The following ANKRD39 variants were observed in gnomAD, a reference collection of about 807,000 sequenced individuals.
The protein encoded by ANKRD39 is ankyrin repeat domain 39, also known as ankyrin repeat domain-containing protein 39.
In ANKRD39, 18 loss-of-function variants were observed where a neutral mutation model predicts 20.3. That is an observed-to-expected ratio of 0.89 (90% CI 0.61 to 1.32). The LOEUF (loss-of-function observed/expected upper bound fraction) is 1.32. Ranked by LOEUF, ANKRD39 falls within the 40% of genes most tolerant of loss-of-function variation. ANKRD39 has a pLI of 0.00. For synonymous variants in ANKRD39, 106 were observed against 111.9 expected (o/e 0.95, Z 0.33); for missense variants, 243 against 250.7 (o/e 0.97, Z 0.21).
chr2:96,853,063 G>A (rs1188678967), intron 3 of ANKRD39, among the ~76,000 whole-genome samples: 3 of 152,164 alleles, frequency 2.0e-5, no homozygotes, highest in Admixed American at 2.0e-4. Flanking sequence ...GCTAGAAAGA[G>A]TTTAATTAAA....
chr2:96,850,628 G>A (rs1370397258), intron 3 of ANKRD39, among the ~76,000 whole-genome samples: 1 of 151,444 alleles, frequency 6.6e-6, no homozygotes, highest in Non-Finnish European at 1.5e-5. Flanking sequence ...TTGTGCCACT[G>A]CACTCCAGCC....
chr2:96,848,998 A>G (rs765358366), intron 3 of ANKRD39, among the ~76,000 whole-genome samples: 39 of 152,180 alleles, frequency 2.6e-4, no homozygotes, highest in Non-Finnish European at 1.6e-4. Flanking sequence ...AGACCTACAC[A>G]TTAAAAACAA....
chr2:96,856,012 A>AC, intron 1 of ANKRD39, among the ~76,000 whole-genome samples: 1 of 118,764 alleles, frequency 8.4e-6, no homozygotes, highest in Non-Finnish European at 2.1e-5. Flanking sequence ...CAACAACAAC[A>AC]AAGAGTTACT....
rs1209274786 is a variant in ANKRD39, at chr2:96,857,974, C to G, written c.14G>C (p.Arg5Pro). ...GCAGCAGGGCCCGTCCGCGCAGGGCCGAGGCGTCGCCATCCCGGCCCCGGC... is the reference window on the plus strand; with the variant it reads ...GCAGCAGGGCCCGTCCGCGCAGGGCGGAGGCGTCGCCATCCCGGCCCCGGC... Reference protein sequence around the residue: MATPRPCADGPCCSH... With the variant: MATPPPCADGPCCSH... Residue 5 changes from arginine (R) to proline (P), a missense_variant, in exon 1 of 4, where the codon CGG becomes CCG. Coordinates refer to ENST00000393537, the MANE Select transcript of ANKRD39 (RefSeq NM_016466.6). 24 of 1,541,984 alleles carry G rather than the reference C, an allele frequency of 1.6e-5. No individual in the cohort carries two copies. The highest frequency in any genetic ancestry group is 1.7e-5 in the Non-Finnish European group (20 of 1,151,736).
chr2:96,856,005 CAACAACA>C (rs1168855351), intron 1 of ANKRD39, among the ~76,000 whole-genome samples: 17 of 147,542 alleles, frequency 1.2e-4, no homozygotes, highest in Admixed American at 8.6e-4. Flanking sequence ...ACAACAACAA[CAACAACA>C]AAGAGTTACT....
In ANKRD39 at chr2:96,848,201, G is replaced by A. The variant is rs2079819152; in HGVS notation, c.*100C>T. On this transcript the variant is annotated 3_prime_UTR_variant, in exon 4 of 4. Coordinates refer to ENST00000393537, the MANE Select transcript of ANKRD39 (RefSeq NM_016466.6). ...ACTGGGGCTCTTCCTGGGTGGTCTG[G>A]CCTCAGTTCCCTGCCCAGCAGCATG... is the stretch of plus-strand genomic sequence containing the variant. The A allele has an allele frequency of 1.3e-6, 2 of 1,530,864 alleles. No individual in the cohort carries two copies. The highest frequency in any genetic ancestry group is 2.7e-5 in the African/African-American group (2 of 73,500). The allele number at this position is 1,530,864 out of a possible 1,614,324, so 94.8% of individuals were successfully genotyped here.
In ANKRD39 at chr2:96,848,343, C is replaced by G; in HGVS notation, c.510G>C (p.Leu170=). The change falls in exon 4 of 4, where the codon CTG becomes CTC. Residue 170 remains leucine (L), a synonymous_variant. Transcript: ENST00000393537. ...CCCGCAGGTCACTGTTGCAAGGCAG[C>G]AGGTCACATGCTAGCCGTGCCTTTC... ...RDRKARLACD[L]LPCNSDLRDL... 2 of 1,614,180 alleles carry G rather than the reference C, an allele frequency of 1.2e-6. No homozygotes were observed. Among genetic ancestry groups the G allele is most frequent in the Non-Finnish European group, 1.7e-6 (2 of 1,180,030 alleles).
intron 1 of ANKRD39, among the ~76,000 whole-genome samples, chr2:96,856,011 CA>C (rs55950364): frequency 0.12 from 18,677 of 152,066 alleles, 2,059 homozygotes; most frequent in Non-Finnish European, 0.17. Flanking sequence ...ACAACAACAA[CA>C]AAGAGTTACT....
At chr2:96,851,762 G>A (rs558658711) in intron 3 of ANKRD39, among the ~76,000 whole-genome samples, 10 of 152,258 alleles carry the variant, frequency 6.6e-5, no homozygotes, top group African/African-American at 2.2e-4. Flanking sequence ...AAAGGCTCTC[G>A]TGGGGTGTGA....
rs1457665741 is a variant in ANKRD39, at chr2:96,853,624, A to G, written c.205-20T>C. The G allele has an allele frequency of 3.1e-6, 5 of 1,609,252 alleles. No individual in the cohort carries two copies. Among genetic ancestry groups the G allele is most frequent in the Non-Finnish European group, 3.4e-6 (4 of 1,178,378 alleles). ...ATAGTGCTGCAGGGAACAGAGACCG[A>G]GGTCAGATGGGAGAAGCCAGGCAGG... On this transcript the variant is annotated intron_variant, in intron 2 of 3. Coordinates refer to ENST00000393537, the MANE Select transcript of ANKRD39 (RefSeq NM_016466.6).
chr2:96,848,227 G>C lies in ANKRD39; in HGVS notation c.*74C>G. Reference sequence around the variant, plus strand: ...CCTCAGTTCCCTGCCCAGCAGCATGGATGCTGACCAAGGCAGGGGCTTGGA... The same window carrying C: ...CCTCAGTTCCCTGCCCAGCAGCATGCATGCTGACCAAGGCAGGGGCTTGGA... On this transcript the variant is annotated 3_prime_UTR_variant, in exon 4 of 4. Transcript: ENST00000393537. 6.3e-7 allele frequency: 1 copy of C among 1,578,630 alleles called. No homozygotes were observed. The highest frequency in any genetic ancestry group is 8.6e-7 in the Non-Finnish European group (1 of 1,157,032).
At chr2:96,857,625 C>A (rs2079871708) in intron 1 of ANKRD39, among the ~76,000 whole-genome samples, 1 of 152,280 alleles carries the variant, frequency 6.6e-6, no homozygotes. Context: ...GAGGTCGTCC[C>A]CCGCTACTCG....
chr2:96,853,716 T>C, intron 2 of ANKRD39, 112 bp from the exon 3 acceptor site: 1 of 1,061,426 alleles, frequency 9.4e-7, no homozygotes, highest in South Asian at 1.5e-5. Flanking sequence ...TCATCTCAGG[T>C]GCCAACCCCA....
chr2:96,857,964 C>A lies in ANKRD39; in HGVS notation c.24G>T (p.Ala8=). MATPRPC[A]DGPCCSHPSA... ...TGGGATGCGAGCAGCAGGGCCCGTC[C>A]GCGCAGGGCCGAGGCGTCGCCATCC... The change falls in exon 1 of 4, where the codon GCG becomes GCT. Residue 8 remains alanine, a synonymous_variant. Coordinates refer to ENST00000393537, the MANE Select transcript of ANKRD39 (RefSeq NM_016466.6). The A allele has an allele frequency of 1.9e-6, 3 of 1,556,832 alleles. No homozygotes were observed. Among genetic ancestry groups the A allele is most frequent in the East Asian group, 2.4e-5 (1 of 42,190 alleles).
At chr2:96,854,949 G>C (rs2079855646) in intron 1 of ANKRD39, among the ~76,000 whole-genome samples, 1 of 152,182 alleles carries the variant, frequency 6.6e-6, no homozygotes, top group Admixed American at 6.5e-5. Flanking sequence ...AAAATATAAT[G>C]ATGCCTCCAG....
At chr2:96,854,523 G>T in intron 1 of ANKRD39, 82 bp from the exon 2 acceptor site, 3 of 1,278,788 alleles carry the variant, frequency 2.3e-6, no homozygotes, top group Non-Finnish European at 3.4e-6. Context: ...CAGTTTTCTT[G>T]TCTATAAAGT....
intron 1 of ANKRD39, among the ~76,000 whole-genome samples, chr2:96,856,619 T>C (rs542949672): frequency 6.6e-6 from 1 of 152,326 alleles, no homozygotes; most frequent in South Asian, 2.1e-4. Context: ...GTACCATGTA[T>C]ACAGCATCTC....
chr2:96,852,176 T>C (rs2079840946), intron 3 of ANKRD39, among the ~76,000 whole-genome samples: 1 of 151,622 alleles, frequency 6.6e-6, no homozygotes, highest in Admixed American at 6.6e-5. Flanking sequence ...TGTGCAAGTG[T>C]ACTCTAGCCT....
At chr2:96,850,113 T>C (rs2079829837) in intron 3 of ANKRD39, among the ~76,000 whole-genome samples, 1 of 152,198 alleles carries the variant, frequency 6.6e-6, no homozygotes, top group Non-Finnish European at 1.5e-5. Flanking sequence ...GAACCACTAT[T>C]ATTTCCTACT....
Sources: gnomAD v4.1 joint callset for allele counts (sites outside exome capture counted in the v4.1 genomes callset) on GRCh38, gnomAD v4.1.1 for gene constraint, MANE v1.5 for transcripts, NCBI Gene and HGNC (gene_info 2026-07-23, HGNC 2026-07-21) for gene names.